The following DMXL2 variants were observed in gnomAD, a reference collection of about 807,000 sequenced individuals.
DMXL2 encodes Dmx like 2.
A neutral mutation model predicts 331.1 loss-of-function variants in DMXL2; 103 were observed. The observed-to-expected ratio is 0.31, with a 90% CI of 0.27 to 0.37. The LOEUF is 0.37. DMXL2 is among the 10% of genes least tolerant of loss of function. The pLI, the probability that DMXL2 is intolerant of heterozygous loss-of-function variation, is 1.00. For synonymous variants in DMXL2, 1,281 were observed against 1,252.1 expected (o/e 1.02, Z -0.49); for missense variants, 3,171 against 3,642.9 (o/e 0.87, Z 3.33).
chr15:51,555,049 T>G (rs1016475159), intron 6 of DMXL2, among the ~76,000 whole-genome samples: 1 of 152,022 alleles, frequency 6.6e-6, no homozygotes, highest in African/African-American at 2.4e-5. Context: ...TCCCAGTCAC[T>G]TGGGAGGCTG....
intron 1 of DMXL2, among the ~76,000 whole-genome samples, chr15:51,599,439 T>C (rs4775959): frequency 0.48 from 72,611 of 151,878 alleles, 17,737 homozygotes; most frequent in Non-Finnish European, 0.52. Flanking sequence ...GACACACACA[T>C]ATCTATTTTC....
intron 21 of DMXL2, 88 bp from the exon 22 acceptor site, chr15:51,488,207 C>T (rs775404350): frequency 1.4e-4 from 164 of 1,214,700 alleles, no homozygotes; most frequent in Non-Finnish European, 1.6e-4. Context: ...AAACCTCAAA[C>T]AGAAATCTAA....
chr15:51,470,346 G>C (rs1451061924), intron 29 of DMXL2, among the ~76,000 whole-genome samples: 2 of 152,030 alleles, frequency 1.3e-5, no homozygotes, highest in Non-Finnish European at 2.9e-5. Context: ...GTCCAGGCTG[G>C]TCTCAAACTC....
chr15:51,489,501 A>G (rs1175701349), intron 20 of DMXL2, among the ~76,000 whole-genome samples: 6 of 152,072 alleles, frequency 3.9e-5, no homozygotes. Context: ...TACTAATACT[A>G]CAAAAATTAG....
intron 36 of DMXL2, among the ~76,000 whole-genome samples, chr15:51,458,277 G>A (rs1366156909): frequency 6.6e-6 from 1 of 152,128 alleles, no homozygotes; most frequent in African/African-American, 2.4e-5. Context: ...CAAGTGTTAG[G>A]GATTATCCTT....
chr15:51,454,383 C>T (rs1394338750), intron 40 of DMXL2, among the ~76,000 whole-genome samples: 1 of 151,962 alleles, frequency 6.6e-6, no homozygotes, highest in Non-Finnish European at 1.5e-5. Flanking sequence ...ATCTACTTAT[C>T]TTCATCACCA....
At chr15:51,465,532 C>T in intron 31 of DMXL2, 34 bp downstream of exon 31, 2 of 1,458,244 alleles carry the variant, frequency 1.4e-6, no homozygotes, top group Non-Finnish European at 9.5e-7. Context: ...ATTTATTATA[C>T]TTAATAACAT....
chr15:51,517,743 G>C (rs2047116160), intron 13 of DMXL2, among the ~76,000 whole-genome samples: 1 of 152,180 alleles, frequency 6.6e-6, no homozygotes, highest in Non-Finnish European at 1.5e-5. Flanking sequence ...ATTCTCCTCA[G>C]CACCCACCTT....
intron 13 of DMXL2, among the ~76,000 whole-genome samples, chr15:51,523,834 A>G (rs1365224689): frequency 6.6e-6 from 1 of 152,274 alleles, no homozygotes; most frequent in Non-Finnish European, 1.5e-5. Flanking sequence ...TATGTGAAGC[A>G]AAAACTTATA....
At chr15:51,500,275 GC>G in intron 17 of DMXL2, 44 bp from the exon 18 acceptor site, 1 of 1,511,092 alleles carries the variant, frequency 6.6e-7, no homozygotes, top group Non-Finnish European at 8.9e-7. Flanking sequence ...TAATAATAAA[GC>G]CACAAAATAA....
rs142699164 is a variant in DMXL2 at position 51,540,344 on chromosome 15, G to C, written c.1106-1892C>G. ...TCTATGTTCCTCACATGCAATAACA[G>C]TATTACAGCTATGGAGGCAAATTCC... On this transcript the variant is annotated intron_variant, in intron 9 of 43. Coordinates refer to ENST00000560891, the MANE Select transcript of DMXL2 (RefSeq NM_001378457.1). 1.8e-4 allele frequency among the ~76,000 whole-genome samples: 28 copies of C among 152,250 alleles called. No homozygotes were observed. The East Asian group carries it at 3.7e-3, about 20-fold the overall frequency.
chr15:51,540,442 G>A (rs2048527062), intron 9 of DMXL2, among the ~76,000 whole-genome samples: 1 of 151,916 alleles, frequency 6.6e-6, no homozygotes, highest in Non-Finnish European at 1.5e-5. Context: ...GTATATTTAG[G>A]GTATTGTAAT....
intron 13 of DMXL2, among the ~76,000 whole-genome samples, chr15:51,519,644 T>G (rs932735381): frequency 1.4e-5 from 2 of 145,308 alleles, no homozygotes; most frequent in South Asian, 2.3e-4. Flanking sequence ...TTGTTTTTTT[T>G]TTTTTTTTTT....
intron 1 of DMXL2, among the ~76,000 whole-genome samples, chr15:51,605,501 C>T (rs527853962): frequency 7.0e-6 from 1 of 143,230 alleles, no homozygotes. Context: ...CGGCCCAGCC[C>T]ATACAGATTA....
intron 6 of DMXL2, among the ~76,000 whole-genome samples, chr15:51,550,779 T>C (rs1448443490): frequency 6.6e-6 from 1 of 152,098 alleles, no homozygotes; most frequent in East Asian, 1.9e-4. Flanking sequence ...AAACTAAAGA[T>C]TTAATCAGGT....
chr15:51,537,976 T>C (rs148757620), intron 10 of DMXL2, among the ~76,000 whole-genome samples: 2 of 152,302 alleles, frequency 1.3e-5, no homozygotes, highest in African/African-American at 4.8e-5. Flanking sequence ...ATTACTACCA[T>C]TTAGCAAAAC....
At chr15:51,593,352 CAAG>C (rs2141256811) in intron 1 of DMXL2, among the ~76,000 whole-genome samples, 1 of 152,284 alleles carries the variant, frequency 6.6e-6, no homozygotes, top group East Asian at 1.9e-4. Flanking sequence ...CTGAATTCAA[CAAG>C]AAGAGCTAAC....
At chr15:51,458,435 A>G in intron 36 of DMXL2, 71 bp downstream of exon 36, 2 of 1,507,656 alleles carry the variant, frequency 1.3e-6, no homozygotes, top group Admixed American at 1.9e-5. Context: ...AAATAATTCA[A>G]ATCATGTGCA....
chr15:51,499,944 C>T lies in DMXL2; in HGVS notation c.3280G>A (p.Gly1094Ser). ...VAYKQPIHHN[G>S]FVSKEFSMHV... ...ATGGAAAATTCTTTAGAAACAAAACCATTATGGTGGATAGGCTGCTTATAA... is the reference window on the plus strand; with the variant it reads ...ATGGAAAATTCTTTAGAAACAAAACTATTATGGTGGATAGGCTGCTTATAA... Residue 1094 changes from glycine to serine, a missense_variant, in exon 18 of 44, where the codon GGT becomes AGT. By Grantham distance (56) the Gly-to-Ser change is moderately conservative. Around this residue, in one of 7 missense-constraint regions of DMXL2, gnomAD observed 1,674 missense variants for 1,780.2 expected, o/e 0.94. Transcript: ENST00000560891. 6.2e-7 allele frequency: 1 copy of T among 1,613,952 alleles called. No homozygotes were observed. The highest frequency in any genetic ancestry group is 2.2e-5 in the East Asian group (1 of 44,852).
Sources: gnomAD v4.1 joint callset for allele counts (sites outside exome capture counted in the v4.1 genomes callset) on GRCh38, gnomAD v4.1.1 for gene constraint, gnomAD v4.1.1 regional missense constraint, MANE v1.5 for transcripts, NCBI Gene and HGNC (gene_info 2026-07-23, HGNC 2026-07-21) for gene names.